The following ZNF607 variants were observed in gnomAD, a reference collection of about 807,000 sequenced individuals.
The protein encoded by ZNF607 is zinc finger protein 607.
ZNF607 carries 5 observed loss-of-function variants against 12.8 expected under a neutral mutation model. The ratio of observed to expected loss-of-function variants is 0.39; its 90% confidence interval spans 0.20 to 0.82. ZNF607 has a LOEUF of 0.82. Ranked by LOEUF, ZNF607 falls within the 40% of genes least tolerant of loss-of-function variation. The pLI is 0.39. For missense variants in ZNF607, 851 were observed against 859.2 expected (o/e 0.99, Z 0.12); for synonymous variants, 287 against 276.2 (o/e 1.04, Z -0.39).
intron 1 of ZNF607, among the ~76,000 whole-genome samples, chr19:37,716,482 C>A (rs1221183731): frequency 6.6e-6 from 1 of 152,190 alleles, no homozygotes; most frequent in African/African-American, 2.4e-5. Context: ...GAGCCTAGTG[C>A]AGAAGCTCAG....
chr19:37,704,375 C>G (rs1380924566), intron 4 of ZNF607, among the ~76,000 whole-genome samples: 1 of 152,116 alleles, frequency 6.6e-6, no homozygotes, highest in Non-Finnish European at 1.5e-5. Context: ...AAACAAATCT[C>G]AATTATTATT....
chr19:37,719,025 G>T (rs1452638195), intron 1 of ZNF607: 1 of 152,084 alleles, frequency 6.6e-6, no homozygotes, highest in African/African-American at 2.4e-5. Context: ...CTTTCTTAAG[G>T]GCAATTACTC....
intron 4 of ZNF607, among the ~76,000 whole-genome samples, chr19:37,705,407 C>T (rs2045072934): frequency 6.6e-6 from 1 of 151,984 alleles, no homozygotes; most frequent in Non-Finnish European, 1.5e-5. Flanking sequence ...AACAGTTTGC[C>T]AGGGCCGGGC....
intron 1 of ZNF607, among the ~76,000 whole-genome samples, chr19:37,716,260 T>C (rs1054129905): frequency 2.6e-5 from 4 of 152,006 alleles, no homozygotes; most frequent in African/African-American, 9.7e-5. Context: ...GAAAAAAAAA[T>C]TGATTGGTGA....
At chr19:37,709,570 T>C (rs2045114205) in intron 3 of ZNF607, 126 bp downstream of exon 3, 2 of 1,113,266 alleles carry the variant, frequency 1.8e-6, no homozygotes, top group South Asian at 1.8e-5. Context: ...ACCACCTCAA[T>C]AGAAATAGAG....
chr19:37,709,755 ACCAGGCTGAGATATTC>A lies in ZNF607; in HGVS notation c.61_76del (p.Glu21PhefsTer9). ...CACCTCCTGGTACAAGGTCTTCTGAACCAGGCTGAGATATTCCCACTCCTGATGAGAGAAGTCTATG... is the reference window on the plus strand; with the variant it reads ...CACCTCCTGGTACAAGGTCTTCTGAACCACTCCTGATGAGAGAAGTCTATG... On this transcript the variant is annotated frameshift_variant, in exon 3 of 5. Coordinates refer to ENST00000355202, the MANE Select transcript of ZNF607 (RefSeq NM_032689.5). LOFTEE classifies it high-confidence loss of function. 6.2e-7 allele frequency: 1 copy of A among 1,614,160 alleles called. No homozygotes were observed. The highest frequency in any genetic ancestry group is 8.5e-7 in the Non-Finnish European group (1 of 1,179,998).
In ZNF607 at chr19:37,704,226, G is replaced by A. The variant is rs147823210; in HGVS notation, c.235+3688C>T. Among the ~76,000 whole-genome samples the A allele has an allele frequency of 1.6e-4, 25 of 151,908 alleles. No homozygotes were observed. In the East Asian group the frequency reaches 3.5e-3, roughly 21 times the overall value. On this transcript the variant is annotated intron_variant, in intron 4 of 4. Coordinates refer to ENST00000355202, the MANE Select transcript of ZNF607 (RefSeq NM_032689.5). ...TCCCAGAACAAGTACACAAAAACAC[G>A]GTAAAAATATACAAGATTTGCACAG...
At chr19:37,707,703 G>A (rs2045097208) in intron 4 of ZNF607, among the ~76,000 whole-genome samples, 1 of 152,194 alleles carries the variant, frequency 6.6e-6, no homozygotes, top group African/African-American at 2.4e-5. Flanking sequence ...GCCTCCCAAA[G>A]CGCTGGGATT....
intron 1 of ZNF607, among the ~76,000 whole-genome samples, chr19:37,715,945 G>C (rs1269483093): frequency 6.6e-6 from 1 of 152,106 alleles, no homozygotes; most frequent in Non-Finnish European, 1.5e-5. Context: ...ATTCTGAGAG[G>C]ATGTCTTCAT....
chr19:37,716,469 T>G (rs1490842602), intron 1 of ZNF607, among the ~76,000 whole-genome samples: 1 of 152,190 alleles, frequency 6.6e-6, no homozygotes, highest in Non-Finnish European at 1.5e-5. Flanking sequence ...GTCTGGTCTG[T>G]TGGAGCCTAG....
At chr19:37,712,894 G>T (rs1428677721) in intron 1 of ZNF607, among the ~76,000 whole-genome samples, 2 of 152,076 alleles carry the variant, frequency 1.3e-5, no homozygotes, top group African/African-American at 4.8e-5. Flanking sequence ...CCGGTTCTCA[G>T]ATATGTTAGA....
chr19:37,702,209 C>A (rs1299157978), intron 4 of ZNF607, among the ~76,000 whole-genome samples: 2 of 146,604 alleles, frequency 1.4e-5, no homozygotes, highest in Non-Finnish European at 3.0e-5. Context: ...ATCACTTGAA[C>A]CTGGGAGGCA....
chr19:37,696,924 G>T lies in ZNF607; in HGVS notation c.*1116C>A. ...CACGTCGTCCAGAATGAGCCCAAAG[G>T]TGGCTGCTCACTCCATAAGGTTGTT... is the stretch of plus-strand genomic sequence containing the variant. On this transcript the variant is annotated 3_prime_UTR_variant, in exon 5 of 5. Coordinates refer to ENST00000355202, the MANE Select transcript of ZNF607 (RefSeq NM_032689.5). 1 of 672,784 alleles carries T rather than the reference G, an allele frequency of 1.5e-6. No homozygotes were observed. Among genetic ancestry groups the T allele is most frequent in the Non-Finnish European group, 2.7e-6 (1 of 368,280 alleles). The allele number at this position is 672,784 out of a possible 1,614,324, so 41.7% of individuals were successfully genotyped here.
chr19:37,713,036 G>A (rs934824843), intron 1 of ZNF607, among the ~76,000 whole-genome samples: 1 of 151,698 alleles, frequency 6.6e-6, no homozygotes, highest in Non-Finnish European at 1.5e-5. Flanking sequence ...TGGCAGGTAG[G>A]TCAGGATATC....
Position 37,699,812 on chromosome 19 carries a change from TTC to T in ZNF607, c.317_318del (p.Arg106AsnfsTer3), listed in dbSNP as rs1161584526. The T allele has an allele frequency of 6.2e-7, 1 of 1,613,860 alleles. No individual in the cohort carries two copies. The highest frequency in any genetic ancestry group is 2.2e-5 in the East Asian group (1 of 44,882). The stretch of plus-strand genomic sequence containing the variant: ...TCATATGGTTTCTGTCCATTATGAA[TTC>T]TCTGATGGAGAGTAACACATGAGTG... The part of the protein sequence containing the change: ...RKHSCVTLHQ[R>X]IHNGQKPYEC... On this transcript the variant is annotated frameshift_variant, in exon 5 of 5. Coordinates refer to ENST00000355202, the MANE Select transcript of ZNF607 (RefSeq NM_032689.5). LOFTEE classifies it low-confidence loss of function (END_TRUNC).
intron 4 of ZNF607, 49 bp downstream of exon 4, chr19:37,707,865 A>T: frequency 7.1e-7 from 1 of 1,400,930 alleles, no homozygotes; most frequent in Middle Eastern, 1.8e-4. Flanking sequence ...CACTTCCACG[A>T]GGGCTATTTG....
chr19:37,698,767 CCA>C lies in ZNF607; in HGVS notation c.1362_1363del (p.Cys454TrpfsTer14). On this transcript the variant is annotated frameshift_variant, in exon 5 of 5. Coordinates refer to ENST00000355202, the MANE Select transcript of ZNF607 (RefSeq NM_032689.5). LOFTEE classifies it low-confidence loss of function (END_TRUNC). ...ATATGAGGCACAACGAAAGGACTTC[CCA>C]CATTCTTTACATTCAAAGGGTTTGT... is the stretch of plus-strand genomic sequence containing the variant. The C allele has an allele frequency of 6.2e-7, 1 of 1,613,794 alleles. No homozygotes were observed. The highest frequency in any genetic ancestry group is 8.5e-7 in the Non-Finnish European group (1 of 1,179,796).
At chr19:37,705,644 C>A (rs921871951) in intron 4 of ZNF607, among the ~76,000 whole-genome samples, 1 of 137,946 alleles carries the variant, frequency 7.2e-6, no homozygotes. Flanking sequence ...GAAATCGCAC[C>A]ACTGCACTCC....
chr19:37,696,771 C>G lies in ZNF607; in HGVS notation c.*1269G>C. 3.0e-6 allele frequency: 4 copies of G among 1,336,008 alleles called. No homozygotes were observed. The highest frequency in any genetic ancestry group is 4.3e-6 in the Non-Finnish European group (4 of 934,994). The allele number at this position is 1,336,008 out of a possible 1,614,324, so 82.8% of individuals were successfully genotyped here. A position where few individuals can be genotyped will look rare whatever the true frequency, so the allele number is the denominator to read the frequency against. ...CAGTGGCCAGTGAGTTGGCGATCAG[C>G]TCAGCTGCCTTGGAGTCACCCTCAG... On this transcript the variant is annotated 3_prime_UTR_variant, in exon 5 of 5. Transcript: ENST00000355202.
Sources: gnomAD v4.1 joint callset for allele counts (sites outside exome capture counted in the v4.1 genomes callset) on GRCh38, gnomAD v4.1.1 for gene constraint, MANE v1.5 for transcripts, NCBI Gene and HGNC (gene_info 2026-07-23, HGNC 2026-07-21) for gene names.